AFF3: variants seen among roughly 807,000 people sequenced by gnomAD.
AFF3 encodes AF4/FMR2 family member 3.
In AFF3, 32 loss-of-function variants were observed where a neutral mutation model predicts 129.7. That is an observed-to-expected ratio of 0.25 (90% CI 0.19 to 0.33). AFF3 has a LOEUF of 0.33. Ranked by LOEUF, AFF3 falls within the 10% of genes least tolerant of loss-of-function variation. AFF3 has a pLI of 1.00. For missense variants in AFF3, 1,373 were observed against 1,592.0 expected (o/e 0.86, Z 2.34); for synonymous variants, 644 against 635.4 (o/e 1.01, Z -0.20).
chr2:99,655,282 A>G (rs2105693188), intron 12 of AFF3, among the ~76,000 whole-genome samples: 1 of 151,422 alleles, frequency 6.6e-6, no homozygotes, highest in South Asian at 2.1e-4. Flanking sequence ...CTACATTCCA[A>G]GGGGCATGGC....
rs138931858 is a variant in AFF3 at position 99,664,755 on chromosome 2, G to A, written c.1143+7783C>T. ...AAGGCATCACTATGCATTTATCCAC[G>A]CATTCGTTCAACAAATATTTAGCAG... On this transcript the variant is annotated intron_variant, in intron 12 of 24. Transcript: ENST00000672756. Among the ~76,000 whole-genome samples the A allele has an allele frequency of 5.1e-4, 78 of 152,322 alleles. 1 individual carries two copies. Among genetic ancestry groups the A allele is most frequent in the African/African-American group, 1.7e-3 (72 of 41,566 alleles).
At chr2:99,727,721 C>G (rs1272399940) in intron 10 of AFF3, among the ~76,000 whole-genome samples, 1 of 152,100 alleles carries the variant, frequency 6.6e-6, no homozygotes, top group Non-Finnish European at 1.5e-5. Context: ...GCCACCACAC[C>G]TGGCTGATTT....
intron 8 of AFF3, among the ~76,000 whole-genome samples, chr2:99,775,084 A>G (rs1198744120): frequency 1.3e-5 from 2 of 152,196 alleles, no homozygotes; most frequent in Non-Finnish European, 2.9e-5. Context: ...TAAAAAATCA[A>G]AAAACAACAT....
At chr2:99,610,776 C>T (rs1439625970) in intron 13 of AFF3, among the ~76,000 whole-genome samples, 1 of 152,106 alleles carries the variant, frequency 6.6e-6, no homozygotes, top group Non-Finnish European at 1.5e-5. Context: ...TCTTTGAGTT[C>T]ACCTTGTTTG....
At chr2:99,559,375 G>C (rs766662712) in intron 21 of AFF3, among the ~76,000 whole-genome samples, 2 of 152,206 alleles carry the variant, frequency 1.3e-5, no homozygotes, top group Admixed American at 6.5e-5. Flanking sequence ...TGATGTTACT[G>C]AACTATAAGC....
rs554888159 is a variant in AFF3, at chr2:99,730,217, G to A, written c.1040-3089C>T. On this transcript the variant is annotated intron_variant, in intron 10 of 24. Transcript: ENST00000672756. ...CTTAAGGTACCCTCGCCAGTGAGAC[G>A]AAATATACAGTTTGAGATATGAAAC... Among the ~76,000 whole-genome samples, 22 of 152,104 alleles carry A rather than the reference G, an allele frequency of 1.4e-4. No homozygotes were observed. In the East Asian group the frequency reaches 4.3e-3, roughly 29 times the overall value.
At chr2:100,061,862 G>T (rs969608817) in intron 4 of AFF3, among the ~76,000 whole-genome samples, 14 of 151,246 alleles carry the variant, frequency 9.3e-5, no homozygotes, top group African/African-American at 1.5e-4. Flanking sequence ...AGTGGAGGGG[G>T]GGGGGGTGCC....
At chr2:100,043,639 C>CT (rs1220856471) in intron 4 of AFF3, among the ~76,000 whole-genome samples, 7 of 152,194 alleles carry the variant, frequency 4.6e-5, no homozygotes, top group Admixed American at 6.5e-5. Context: ...GAAAATAAAA[C>CT]TTTTTTTAAC....
intron 11 of AFF3, among the ~76,000 whole-genome samples, chr2:99,687,521 G>A (rs1190455546): frequency 1.3e-5 from 2 of 152,112 alleles, no homozygotes; most frequent in Non-Finnish European, 2.9e-5. Context: ...CAAGCCACGA[G>A]GCTGAGCTCC....
At chr2:99,787,408 G>A (rs1005476362) in intron 8 of AFF3, among the ~76,000 whole-genome samples, 2 of 152,092 alleles carry the variant, frequency 1.3e-5, no homozygotes, top group East Asian at 1.9e-4. Flanking sequence ...CACCTGCGCC[G>A]CCACCCCTGC....
At chr2:99,799,813 T>A (rs1484286595) in intron 8 of AFF3, among the ~76,000 whole-genome samples, 1 of 152,080 alleles carries the variant, frequency 6.6e-6, no homozygotes, top group Admixed American at 6.6e-5. Flanking sequence ...TACAAACAAC[T>A]GATTTTCAGC....
intron 19 of AFF3, among the ~76,000 whole-genome samples, chr2:99,567,464 G>A (rs79149591): frequency 7.9e-5 from 12 of 152,180 alleles, no homozygotes; most frequent in Non-Finnish European, 1.6e-4. Flanking sequence ...AAGGCAGTCT[G>A]TGATTACCCA....
chr2:99,820,458 G>A (rs920807938), intron 8 of AFF3, among the ~76,000 whole-genome samples: 1 of 152,050 alleles, frequency 6.6e-6, no homozygotes, highest in Non-Finnish European at 1.5e-5. Context: ...GGTGCTCTGG[G>A]TGAGTCAGTG....
intron 8 of AFF3, among the ~76,000 whole-genome samples, chr2:99,806,907 G>GA (rs1291483785): frequency 2.0e-5 from 3 of 152,110 alleles, no homozygotes; most frequent in African/African-American, 7.2e-5. Flanking sequence ...CATTTCTGAA[G>GA]AAAGAGACAT....
At chr2:99,561,011 C>T (rs1002461939) in intron 20 of AFF3, among the ~76,000 whole-genome samples, 8 of 152,136 alleles carry the variant, frequency 5.3e-5, no homozygotes, top group African/African-American at 1.9e-4. Context: ...TTTTCTGAAC[C>T]AAGGGGACTG....
chr2:99,898,471 G>A (rs918584611), intron 7 of AFF3, among the ~76,000 whole-genome samples: 4 of 152,144 alleles, frequency 2.6e-5, no homozygotes, highest in Non-Finnish European at 5.9e-5. Flanking sequence ...CAAGCCCATC[G>A]CCTAGGAGAA....
At chr2:99,697,830 A>T (rs138942201) in intron 11 of AFF3, among the ~76,000 whole-genome samples, 161 of 152,364 alleles carry the variant, frequency 1.1e-3, no homozygotes, top group African/African-American at 3.7e-3. Context: ...GCTGAAGACA[A>T]CATGATATAA....
chr2:100,045,980 T>A (rs1685797530), intron 4 of AFF3, among the ~76,000 whole-genome samples: 1 of 152,160 alleles, frequency 6.6e-6, no homozygotes, highest in Non-Finnish European at 1.5e-5. Context: ...TATATGTGAA[T>A]TTTTGACTGC....
intron 7 of AFF3, among the ~76,000 whole-genome samples, chr2:99,948,807 C>T (rs1241973407): frequency 2.6e-5 from 4 of 152,170 alleles, no homozygotes; most frequent in Non-Finnish European, 1.5e-5. Context: ...AAACCCCCAA[C>T]TGTCTTCTGT....
Sources: gnomAD v4.1 joint callset for allele counts (sites outside exome capture counted in the v4.1 genomes callset) on GRCh38, gnomAD v4.1.1 for gene constraint, MANE v1.5 for transcripts, NCBI Gene and HGNC (gene_info 2026-07-23, HGNC 2026-07-21) for gene names.